Variants in QTGAL observed in about 807,000 individuals in gnomAD.
The protein encoded by QTGAL is queuosine-tRNA galactosyltransferase, also known as BGnT-like protein 1.
the QTGAL span, among the ~76,000 whole-genome samples, chr17:83,021,480 A>G: frequency 6.6e-6 from 1 of 152,228 alleles, no homozygotes; most frequent in East Asian, 1.9e-4. Flanking sequence ...TTGAAGACCC[A>G]TACCCTAAAA....
chr17:83,037,274 G>A, the QTGAL span, among the ~76,000 whole-genome samples: 4 of 152,098 alleles, frequency 2.6e-5, no homozygotes, highest in East Asian at 1.9e-4. This position sits in a 1 kb window ranked among gnomAD's most constrained non-coding sequence, Gnocchi z 5.2. Context: ...GCCCTGTTCC[G>A]GGGGGGCATC....
At chr17:82,951,510 C>T in the QTGAL span, among the ~76,000 whole-genome samples, 14 of 152,180 alleles carry the variant, frequency 9.2e-5, no homozygotes, top group African/African-American at 3.4e-4. Flanking sequence ...ACACTTTCTC[C>T]CTATCCGCAC....
the QTGAL span, among the ~76,000 whole-genome samples, chr17:82,984,102 G>T: frequency 7.5e-6 from 1 of 133,844 alleles, no homozygotes; most frequent in Non-Finnish European, 1.6e-5. Flanking sequence ...ACGGGGGAGA[G>T]ATCATGTGAG....
At chr17:82,980,041 C>A in the QTGAL span, among the ~76,000 whole-genome samples, 1 of 152,136 alleles carries the variant, frequency 6.6e-6, no homozygotes, top group African/African-American at 2.4e-5. Context: ...ACAAACAAAA[C>A]CCTTGATTTA....
At chr17:83,043,714 A>G in the QTGAL span, among the ~76,000 whole-genome samples, 1 of 152,240 alleles carries the variant, frequency 6.6e-6, no homozygotes, top group Non-Finnish European at 1.5e-5. Flanking sequence ...ATCAACAAAA[A>G]GAGTTGATTC....
At chr17:83,016,552 T>G in the QTGAL span, among the ~76,000 whole-genome samples, 334 of 48,924 alleles carry the variant, frequency 6.8e-3, no homozygotes, top group Middle Eastern at 0.015. Flanking sequence ...GAGGAGGGAG[T>G]AGGGAAGAGA....
chr17:82,987,200 G>A, the QTGAL span, among the ~76,000 whole-genome samples: 1 of 152,096 alleles, frequency 6.6e-6, no homozygotes, highest in African/African-American at 2.4e-5. Flanking sequence ...AATATCTCAT[G>A]TGCTCCATAA....
the QTGAL span, chr17:82,948,785 G>A: frequency 2.2e-4 from 34 of 152,276 alleles, no homozygotes; most frequent in African/African-American, 7.2e-4. Context: ...TAGAAAAATT[G>A]GCATCTGTAA....
At chr17:83,026,473 C>A in the QTGAL span, among the ~76,000 whole-genome samples, 1 of 152,398 alleles carries the variant, frequency 6.6e-6, no homozygotes, top group South Asian at 2.1e-4. Flanking sequence ...AGGACAGATA[C>A]ACAGAGCGGG....
chr17:83,030,066 T>C, the QTGAL span, among the ~76,000 whole-genome samples: 1 of 152,130 alleles, frequency 6.6e-6, no homozygotes, highest in African/African-American at 2.4e-5. Context: ...GGGCCACGCG[T>C]GAACAAATGA....
chr17:82,949,775 G>A, the QTGAL span: 1 of 152,172 alleles, frequency 6.6e-6, no homozygotes, highest in Non-Finnish European at 1.5e-5. Context: ...GAACATCGAT[G>A]GGATATTTGG....
the QTGAL span, chr17:82,957,562 G>C: frequency 6.6e-7 from 1 of 1,513,914 alleles, no homozygotes; most frequent in Non-Finnish European, 8.9e-7. Context: ...CTGACATACA[G>C]GGACATGATG....
chr17:82,957,252 G>A, the QTGAL span: 4 of 1,614,150 alleles, frequency 2.5e-6, no homozygotes, highest in Non-Finnish European at 3.4e-6. Flanking sequence ...GCCACCACCT[G>A]GGGACAAGCA....
At chr17:82,974,199 GCTC>G in the QTGAL span, among the ~76,000 whole-genome samples, 2 of 152,202 alleles carry the variant, frequency 1.3e-5, no homozygotes, top group South Asian at 4.1e-4. Context: ...GTCCTCCCTG[GCTC>G]CTCATCAACC....
chr17:83,016,361 C>T, the QTGAL span, among the ~76,000 whole-genome samples: 21 of 152,068 alleles, frequency 1.4e-4, no homozygotes, highest in Admixed American at 1.3e-3. Context: ...ACATTCAGAT[C>T]ATCCAACGAA....
At chr17:82,970,554 TGGCCGCGACCTCCGCACCCGGC>T in the QTGAL span, among the ~76,000 whole-genome samples, 12 of 140,122 alleles carry the variant, frequency 8.6e-5, 1 homozygote, top group African/African-American at 3.5e-4. Context: ...GCACCCGGCG[TGGCCGCGACCTCCGCACCCGGC>T]GTGGCCGCGA....
At chr17:83,008,278 T>C in the QTGAL span, among the ~76,000 whole-genome samples, 1 of 152,208 alleles carries the variant, frequency 6.6e-6, no homozygotes, top group African/African-American at 2.4e-5. Flanking sequence ...TTCAAGGCTT[T>C]CGAGAAGTGT....
At chr17:83,023,363 C>T in the QTGAL span, among the ~76,000 whole-genome samples, 28 of 150,276 alleles carry the variant, frequency 1.9e-4, no homozygotes, top group East Asian at 3.3e-3. Flanking sequence ...GCACTGTCCC[C>T]GGCCCACCTG....
chr17:83,032,775 G>A, the QTGAL span, among the ~76,000 whole-genome samples: 2 of 152,240 alleles, frequency 1.3e-5, no homozygotes, highest in African/African-American at 4.8e-5. Context: ...AAGAAGAAAA[G>A]AGAAGAAAGA....
Sources: gnomAD v4.1 joint callset for allele counts (sites outside exome capture counted in the v4.1 genomes callset) on GRCh38, gnomAD v4.1.1 for gene constraint, Gnocchi (gnomAD v3.1) non-coding constraint, MANE v1.5 for transcripts, NCBI Gene and HGNC (gene_info 2026-07-23, HGNC 2026-07-21) for gene names.